CPLX4: variants seen among roughly 807,000 people sequenced by gnomAD.
CPLX4 encodes the protein complexin 4.
A neutral mutation model predicts 16.1 loss-of-function variants in CPLX4; 17 were observed. That is an observed-to-expected ratio of 1.06 (90% CI 0.72 to 1.59). CPLX4 has a LOEUF of 1.59. Among genes scored for constraint, CPLX4 ranks in the 40% most tolerant of loss-of-function variants. The pLI is 0.00. For missense variants in CPLX4, 193 were observed against 192.9 expected (o/e 1.00, Z 0.00); for synonymous variants, 55 against 57.8 (o/e 0.95, Z 0.22).
At position 59,296,926 on chromosome 18, in the gene CPLX4, C is replaced by A. The variant is rs1458028474; in HGVS notation, c.256-1G>T. On this transcript the variant is annotated splice_acceptor_variant, in intron 2 of 2. Coordinates refer to ENST00000299721, the MANE Select transcript of CPLX4 (RefSeq NM_181654.4). LOFTEE classifies it high-confidence loss of function. The stretch of plus-strand genomic sequence containing the variant: ...GGATTTGATTCTCATCCATTTCACT[C>A]TATGTGAAAAATAAATAGAGATAGA... 1 of 1,603,270 alleles carries A rather than the reference C, an allele frequency of 6.2e-7. No homozygotes were observed. The highest frequency in any genetic ancestry group is 1.1e-5 in the South Asian group (1 of 87,954).
chr18:59,308,464 CTT>C (rs56412366), intron 2 of CPLX4, among the ~76,000 whole-genome samples: 3 of 143,738 alleles, frequency 2.1e-5, no homozygotes, highest in South Asian at 2.2e-4. Flanking sequence ...AATAGTAAGG[CTT>C]TTTTTTTTTC....
intron 2 of CPLX4, among the ~76,000 whole-genome samples, chr18:59,302,299 A>T (rs2070547137): frequency 6.6e-6 from 1 of 152,226 alleles, no homozygotes; most frequent in Admixed American, 6.5e-5. Context: ...CAAGGAAAAG[A>T]AGTAATGCCT....
At chr18:59,305,172 G>A (rs2070568078) in intron 2 of CPLX4, among the ~76,000 whole-genome samples, 1 of 152,058 alleles carries the variant, frequency 6.6e-6, no homozygotes, top group Non-Finnish European at 1.5e-5. Flanking sequence ...GGAAGGCCCT[G>A]GAAGAAGTGG....
chr18:59,308,920 G>A (rs1470047827), intron 2 of CPLX4, among the ~76,000 whole-genome samples: 1 of 152,272 alleles, frequency 6.6e-6, no homozygotes, highest in Non-Finnish European at 1.5e-5. Flanking sequence ...GCGGGAGGCA[G>A]AGGAGGCGCC....
rs151111306 is a variant in CPLX4 at position 59,317,628 on chromosome 18, A to G, written c.167+668T>C. 8.2e-4 allele frequency among the ~76,000 whole-genome samples: 125 copies of G among 152,210 alleles called. No homozygotes were observed. In the East Asian group the frequency reaches 0.023, roughly 28 times the overall value. ...CTTTAAAAGCTATTATCTACCATCT[A>G]TCTTTTTAATCTTTAAGCAAATGTA... On this transcript the variant is annotated intron_variant, in intron 1 of 2. Transcript: ENST00000299721.
intron 1 of CPLX4, among the ~76,000 whole-genome samples, chr18:59,314,181 G>C (rs1197454841): frequency 1.3e-5 from 2 of 152,132 alleles, no homozygotes; most frequent in Non-Finnish European, 2.9e-5. Context: ...GTTTTGGAGA[G>C]GGACATCGAA....
intron 2 of CPLX4, among the ~76,000 whole-genome samples, chr18:59,298,566 A>G (rs1373140997): frequency 2.0e-5 from 3 of 152,192 alleles, no homozygotes; most frequent in Non-Finnish European, 4.4e-5. Flanking sequence ...TTAGTCAAAC[A>G]GACTACATTG....
intron 1 of CPLX4, 141 bp downstream of exon 1, chr18:59,318,154 CA>C: frequency 7.3e-7 from 1 of 1,376,202 alleles, no homozygotes; most frequent in Non-Finnish European, 9.4e-7. Flanking sequence ...TTTAGAAGAA[CA>C]ACCTTTCCTT....
At chr18:59,300,595 G>A (rs1393657467) in intron 2 of CPLX4, among the ~76,000 whole-genome samples, 1 of 152,140 alleles carries the variant, frequency 6.6e-6, no homozygotes, top group African/African-American at 2.4e-5. Flanking sequence ...GCCTCTTTGA[G>A]CTTTATTTCC....
At chr18:59,307,413 G>A (rs182108505) in intron 2 of CPLX4, among the ~76,000 whole-genome samples, 3 of 152,302 alleles carry the variant, frequency 2.0e-5, no homozygotes, top group Admixed American at 2.0e-4. Context: ...GGGAAGTGAT[G>A]GTTGGCATGT....
At chr18:59,300,652 G>A (rs2070534570) in intron 2 of CPLX4, among the ~76,000 whole-genome samples, 1 of 152,172 alleles carries the variant, frequency 6.6e-6, no homozygotes, top group Non-Finnish European at 1.5e-5. Context: ...AGCTGTGGAA[G>A]GTTAATTAGA....
intron 2 of CPLX4, 132 bp downstream of exon 2, chr18:59,312,553 T>TTA (rs995660435): frequency 6.8e-4 from 129 of 188,712 alleles, no homozygotes; most frequent in East Asian, 1.7e-3. Context: ...ATATATATTT[T>TTA]TATATATATA....
intron 2 of CPLX4, among the ~76,000 whole-genome samples, chr18:59,306,929 T>C (rs2070580457): frequency 6.6e-6 from 1 of 152,198 alleles, no homozygotes; most frequent in African/African-American, 2.4e-5. Context: ...TTACTATGAA[T>C]GCTTACCCAA....
At position 59,296,757 on chromosome 18, in the gene CPLX4, C is replaced by A. The variant is rs1198413055; in HGVS notation, c.424G>T (p.Ala142Ser). ...NMDLDTIKEKAQATFTEIKQT... is the reference protein window; with the variant it reads ...NMDLDTIKEKSQATFTEIKQT... The stretch of plus-strand genomic sequence containing the variant: ...TTGATTTCAGTGAAGGTGGCCTGGG[C>A]TTTTTCTTTTATGGTATCCAAGTCC... The change falls in exon 3 of 3, where the codon GCC becomes TCC. Residue 142 changes from alanine (A) to serine (S), a missense_variant. Physicochemically the swap from Ala to Ser is moderately conservative, Grantham distance 99 (BLOSUM62 1). Transcript: ENST00000299721. 2.5e-6 allele frequency: 4 copies of A among 1,595,272 alleles called. No individual in the cohort carries two copies. The South Asian group carries it at 4.4e-5, about 18-fold the overall frequency.
chr18:59,297,501 A>G (rs1402836648), intron 2 of CPLX4, among the ~76,000 whole-genome samples: 1 of 152,044 alleles, frequency 6.6e-6, no homozygotes, highest in African/African-American at 2.4e-5. Context: ...GCTGGTCTCG[A>G]ACTCCTGACC....
At chr18:59,313,033 T>C (rs1230309252) in intron 1 of CPLX4, among the ~76,000 whole-genome samples, 2 of 152,030 alleles carry the variant, frequency 1.3e-5, no homozygotes, top group Non-Finnish European at 1.5e-5. Flanking sequence ...AACCAGGAGA[T>C]TTTTCCTAAC....
chr18:59,304,300 A>T (rs1264765686), intron 2 of CPLX4, among the ~76,000 whole-genome samples: 1 of 152,172 alleles, frequency 6.6e-6, no homozygotes, highest in Admixed American at 6.5e-5. Flanking sequence ...TCTCTTATTA[A>T]TTTAGCTTGA....
Position 59,316,253 on chromosome 18 carries a change from G to A in CPLX4, c.167+2043C>T, listed in dbSNP as rs1036908684. Among the ~76,000 whole-genome samples, 11 of 113,288 alleles carry A rather than the reference G, an allele frequency of 9.7e-5. No individual in the cohort carries two copies. In the South Asian group the frequency reaches 1.1e-3, roughly 12 times the overall value. The allele number at this position is 113,288 out of a possible 152,430, so 74.3% of individuals were successfully genotyped here. On this transcript the variant is annotated intron_variant, in intron 1 of 2. Transcript: ENST00000299721. The stretch of plus-strand genomic sequence containing the variant: ...TCAGTACTAATGTTACCAGTGGTGC[G>A]TGCGCACACACACACACACACATTG...
intron 2 of CPLX4, among the ~76,000 whole-genome samples, chr18:59,308,293 G>T (rs1202371922): frequency 6.6e-6 from 1 of 152,028 alleles, no homozygotes; most frequent in Non-Finnish European, 1.5e-5. Flanking sequence ...TCTCAAGGCC[G>T]AAGATTCCAA....
Sources: allele counts gnomAD v4.1 joint callset (sites outside exome capture counted in the v4.1 genomes callset), GRCh38; gene constraint gnomAD v4.1.1; transcripts MANE v1.5; gene names NCBI Gene and HGNC (gene_info 2026-07-23, HGNC 2026-07-21).